The following HSPH1 variants were observed in gnomAD, a reference collection of about 807,000 sequenced individuals.
HSPH1 encodes the protein heat shock protein family H (Hsp110) member 1.
HSPH1 carries 40 observed loss-of-function variants against 100.0 expected under a neutral mutation model. The observed-to-expected ratio is 0.40, with a 90% confidence interval of 0.31 to 0.52. HSPH1 has a LOEUF of 0.52. Among genes scored for constraint, HSPH1 ranks in the 20% least tolerant of loss-of-function variants. HSPH1 has a pLI of 0.54. For synonymous variants in HSPH1, 403 were observed against 344.0 expected, an observed-to-expected ratio of 1.17 and a Z score of -1.90; for missense variants, 876 against 1,015.1, an observed-to-expected ratio of 0.86 and a Z score of 1.86.
chr13:31,148,993 G>A (rs1050899556), intron 8 of HSPH1, among the ~76,000 whole-genome samples: 4 of 152,110 alleles, frequency 2.6e-5, no homozygotes, highest in African/African-American at 7.2e-5. Flanking sequence ...TATTTAGACA[G>A]GACATATAAA....
chr13:31,139,127 A>G lies in HSPH1; in HGVS notation c.1981-20T>C, dbSNP rs570758618. On this transcript the variant is annotated intron_variant, in intron 14 of 17. Coordinates refer to ENST00000320027, the MANE Select transcript of HSPH1 (RefSeq NM_006644.4). Reference sequence around the variant, plus strand: ...ATGATCCTTAACACAAAATATGACAATATTAGTGGCACTCGTACTTCAGAA... The same window carrying G: ...ATGATCCTTAACACAAAATATGACAGTATTAGTGGCACTCGTACTTCAGAA... 9 of 1,407,296 alleles carry G rather than the reference A, an allele frequency of 6.4e-6. No homozygotes were observed. The highest frequency in any genetic ancestry group is 1.8e-4 in the Middle Eastern group (1 of 5,532). 87.2% of individuals were successfully genotyped at this position (1,407,296 alleles called of 1,614,324 possible).
At chr13:31,142,609 TA>T (rs1956135872) in intron 12 of HSPH1, among the ~76,000 whole-genome samples, 1 of 152,042 alleles carries the variant, frequency 6.6e-6, no homozygotes, top group South Asian at 2.1e-4. Flanking sequence ...AGTACCCAAT[TA>T]AACCAACTAC....
chr13:31,152,564 T>C (rs564509032), intron 5 of HSPH1: 1 of 219,382 alleles, frequency 4.6e-6, no homozygotes, highest in Non-Finnish European at 9.1e-6. Context: ...GTGGGAAAAA[T>C]TGCTTCCTAA....
intron 4 of HSPH1, 72 bp from the exon 5 acceptor site, chr13:31,153,023 A>G (rs574346905): frequency 1.9e-6 from 2 of 1,048,402 alleles, no homozygotes; most frequent in South Asian, 2.6e-5. Flanking sequence ...CAAACCACTT[A>G]TAAATTCACA....
upstream of HSPH1, chr13:31,162,125 G>A: frequency 1.3e-6 from 2 of 1,530,246 alleles, no homozygotes; most frequent in Non-Finnish European, 8.8e-7. Context: ...CGTGCCATTG[G>A]CTCAAACCTG....
At chr13:31,148,213 C>T in intron 9 of HSPH1, 121 bp from the exon 10 acceptor site, 1 of 1,150,306 alleles carries the variant, frequency 8.7e-7, no homozygotes, top group East Asian at 2.4e-5. Flanking sequence ...ATTTACAATA[C>T]CAAAATGAGA....
Position 31,152,970 on chromosome 13 carries a change from T to C in HSPH1, c.430-19A>G. The C allele has an allele frequency of 6.5e-7, 1 of 1,532,030 alleles. No individual in the cohort carries two copies. The allele number at this position is 1,532,030 out of a possible 1,614,324, so 94.9% of individuals were successfully genotyped here. ...AGGGGACCTACAAACAAACAAAAAA[T>C]TTTGAATTATCTAGAACACAAAATA... On this transcript the variant is annotated intron_variant, in intron 4 of 17. Coordinates refer to ENST00000320027, the MANE Select transcript of HSPH1 (RefSeq NM_006644.4).
At chr13:31,151,555 A>C in intron 6 of HSPH1, 54 bp downstream of exon 6, 1 of 1,530,206 alleles carries the variant, frequency 6.5e-7, no homozygotes, top group Non-Finnish European at 8.8e-7. Flanking sequence ...TCAGTAGCTT[A>C]AAGTCACAAC....
intron 13 of HSPH1, 68 bp from the exon 14 acceptor site, chr13:31,140,377 A>G: frequency 4.1e-6 from 6 of 1,450,862 alleles, no homozygotes; most frequent in Admixed American, 2.1e-5. Flanking sequence ...AAATATGTAG[A>G]CTCTGGGGTT....
chr13:31,161,410 G>A, intron 1 of HSPH1, 66 bp downstream of exon 1: 3 of 1,583,232 alleles, frequency 1.9e-6, no homozygotes, highest in Non-Finnish European at 2.6e-6. Context: ...GCCAGCCCGC[G>A]ATCTTGGGTC....
At chr13:31,139,548 A>C (rs1956014125) in intron 14 of HSPH1, among the ~76,000 whole-genome samples, 1 of 152,050 alleles carries the variant, frequency 6.6e-6, no homozygotes, top group Non-Finnish European at 1.5e-5. Context: ...CACCATAAGA[A>C]ACTCAGAGAA....
intron 4 of HSPH1, 104 bp downstream of exon 4, chr13:31,154,529 G>A (rs2274018): frequency 0.68 from 871,519 of 1,279,878 alleles, 298,916 homozygotes; most frequent in African/African-American, 0.73. Context: ...GTAGAACACG[G>A]TCTCTAGTAA....
intron 3 of HSPH1, 134 bp from the exon 4 acceptor site, chr13:31,154,889 G>A: frequency 1.7e-5 from 12 of 704,960 alleles, no homozygotes; most frequent in South Asian, 7.5e-5. Context: ...TTGGGAAGAA[G>A]GAAGAAAAGG....
Position 31,147,987 on chromosome 13 carries a change from T to C in HSPH1, c.1350A>G (p.Gln450=). Residue 450 remains glutamine, a synonymous_variant, in exon 10 of 18, where the codon CAA becomes CAG. Transcript: ENST00000320027. ...FELEAFYSDP[Q]GVPYPEAKIG... ...TTTTTGCTTCTGGATATGGAACTCC[T>C]TGGGGATCAGAATAGAAAGCTTCTA... is the stretch of plus-strand genomic sequence containing the variant. 1.9e-6 allele frequency: 3 copies of C among 1,602,530 alleles called. No homozygotes were observed. Among genetic ancestry groups the C allele is most frequent in the Non-Finnish European group, 2.5e-6 (3 of 1,176,958 alleles).
upstream of HSPH1, chr13:31,162,245 T>G: frequency 1.4e-6 from 1 of 730,800 alleles, no homozygotes; most frequent in Middle Eastern, 3.6e-4. Flanking sequence ...CGGGAGGTGG[T>G]GTCCGATCCT....
chr13:31,141,299 A>G (rs1198480837), intron 12 of HSPH1, 40 bp from the exon 13 acceptor site: 1 of 1,538,462 alleles, frequency 6.5e-7, no homozygotes, highest in African/African-American at 1.4e-5. Context: ...ATTTTAAACA[A>G]CCCACTTGGA....
intron 13 of HSPH1, 122 bp from the exon 14 acceptor site, chr13:31,140,431 C>CA (rs974945651): frequency 2.8e-6 from 2 of 712,238 alleles, no homozygotes; most frequent in African/African-American, 3.6e-5. Flanking sequence ...AACACAGTTC[C>CA]AACTTATACC....
chr13:31,137,986 TACA>T (rs1443001407), intron 17 of HSPH1, among the ~76,000 whole-genome samples: 2 of 152,122 alleles, frequency 1.3e-5, no homozygotes, highest in Non-Finnish European at 2.9e-5. Context: ...CAGCCTCACA[TACA>T]ACAAGACCTA....
chr13:31,161,130 G>C (rs557306451), intron 1 of HSPH1, among the ~76,000 whole-genome samples: 6 of 152,352 alleles, frequency 3.9e-5, no homozygotes, highest in African/African-American at 1.4e-4. Context: ...GCTGCAGCCT[G>C]CCAAGAAAAG....
Sources: allele counts gnomAD v4.1 joint callset (sites outside exome capture counted in the v4.1 genomes callset), GRCh38; gene constraint gnomAD v4.1.1; transcripts MANE v1.5; gene names NCBI Gene and HGNC (gene_info 2026-07-23, HGNC 2026-07-21).